The following ENAH variants were observed in gnomAD, a reference collection of about 807,000 sequenced individuals.
ENAH encodes ENAH actin regulator.
In ENAH, 23 loss-of-function variants were observed where a neutral mutation model predicts 78.7. The observed-to-expected ratio is 0.29, with a 90% CI of 0.21 to 0.41. ENAH has a LOEUF of 0.41. ENAH is among the 10% of genes least tolerant of loss of function. The pLI, the probability that ENAH is intolerant of heterozygous loss-of-function variation, is 1.00. For missense variants in ENAH, 544 were observed against 691.0 expected, an observed-to-expected ratio of 0.79 and a Z score of 2.39; for synonymous variants, 226 against 241.0, an observed-to-expected ratio of 0.94 and a Z score of 0.58.
intron 1 of ENAH, among the ~76,000 whole-genome samples, chr1:225,638,282 G>A (rs376814130): frequency 2.0e-5 from 3 of 151,956 alleles, no homozygotes; most frequent in South Asian, 4.1e-4. Context: ...TCAATCTCCT[G>A]AGTATAGCTA....
intron 3 of ENAH, among the ~76,000 whole-genome samples, chr1:225,544,650 G>A (rs1024378544): frequency 7.2e-5 from 11 of 152,158 alleles, no homozygotes; most frequent in Admixed American, 2.0e-4. Flanking sequence ...GTCCCACAAC[G>A]TAAGACTAAA....
chr1:225,568,499 T>C (rs1013433294), intron 1 of ENAH, among the ~76,000 whole-genome samples: 6 of 152,210 alleles, frequency 3.9e-5, no homozygotes, highest in African/African-American at 4.8e-5. Context: ...TCAACCTCAA[T>C]AGACAAGCCT....
intron 1 of ENAH, among the ~76,000 whole-genome samples, chr1:225,575,969 C>T (rs2096785713): frequency 6.6e-6 from 1 of 152,112 alleles, no homozygotes; most frequent in South Asian, 2.1e-4. Context: ...TCCACTCCTC[C>T]CCTTCCCATC....
At chr1:225,594,595 T>C (rs2096893528) in intron 1 of ENAH, among the ~76,000 whole-genome samples, 1 of 152,234 alleles carries the variant, frequency 6.6e-6, no homozygotes, top group South Asian at 2.1e-4. Context: ...GATTAGACTA[T>C]ACACTTACCA....
At chr1:225,646,504 T>G (rs1230058333) in intron 1 of ENAH, among the ~76,000 whole-genome samples, 1 of 152,110 alleles carries the variant, frequency 6.6e-6, no homozygotes, top group Non-Finnish European at 1.5e-5. Flanking sequence ...ATCTCTGACT[T>G]CCAGCCTCCA....
intron 4 of ENAH, among the ~76,000 whole-genome samples, chr1:225,525,531 C>A (rs982334875): frequency 2.6e-5 from 4 of 152,154 alleles, no homozygotes; most frequent in African/African-American, 9.7e-5. Context: ...TCAGAAACTA[C>A]CCGTCGGGAG....
At chr1:225,631,820 T>C (rs2148360906) in intron 1 of ENAH, among the ~76,000 whole-genome samples, 2 of 152,310 alleles carry the variant, frequency 1.3e-5, no homozygotes, top group East Asian at 3.9e-4. Flanking sequence ...TTTGTTTTTT[T>C]AATCCTAGGT....
chr1:225,498,985 T>A (rs1452747215), intron 12 of ENAH, among the ~76,000 whole-genome samples: 1 of 152,102 alleles, frequency 6.6e-6, no homozygotes, highest in African/African-American at 2.4e-5. Flanking sequence ...CAGGCACGAA[T>A]CATATGCAGC....
rs1272944515 is a variant in ENAH, at chr1:225,513,003, G to C, written c.1232C>G (p.Ser411Cys). ...LRKVSRMEDTSFPSGGNAIGV... is the reference protein window; with the variant it reads ...LRKVSRMEDTCFPSGGNAIGV... ...AATAGCATTCCCTCCACTTGGGAAA[G>C]AGGTATCCTCCATCTTAATGAGAAT... Residue 411 changes from serine (S) to cysteine (C), a missense_variant, in exon 8 of 14, where the codon TCT becomes TGT. Ser to Cys is a moderately radical substitution (Grantham distance 112). Around this residue, in one of 4 missense-constraint regions of ENAH, gnomAD observed 366 missense variants for 396.1 expected, o/e 0.92. Coordinates refer to ENST00000366843, the MANE Select transcript of ENAH (RefSeq NM_018212.6). 6.2e-7 allele frequency: 1 copy of C among 1,612,712 alleles called. No individual in the cohort carries two copies. Among genetic ancestry groups the C allele is most frequent in the East Asian group, 2.2e-5 (1 of 44,864 alleles).
At chr1:225,509,447 G>A (rs999602082) in intron 10 of ENAH, among the ~76,000 whole-genome samples, 1 of 152,184 alleles carries the variant, frequency 6.6e-6, no homozygotes, top group African/African-American at 2.4e-5. Flanking sequence ...GGGCTCATCT[G>A]GTTCAGCTGG....
chr1:225,629,980 T>C (rs917385089), intron 1 of ENAH, among the ~76,000 whole-genome samples: 10 of 152,316 alleles, frequency 6.6e-5, no homozygotes, highest in African/African-American at 2.2e-4. Context: ...GCATTCTCTA[T>C]TGGAAGGAAT....
intron 1 of ENAH, among the ~76,000 whole-genome samples, chr1:225,605,263 G>C (rs1279659499): frequency 1.3e-5 from 2 of 152,172 alleles, no homozygotes; most frequent in Non-Finnish European, 2.9e-5. Flanking sequence ...TATTAAATAA[G>C]GGGGAAGGAT....
At chr1:225,517,694 CAGG>C (rs2096432535) in intron 5 of ENAH, 3 of 1,551,072 alleles carry the variant, frequency 1.9e-6, no homozygotes, top group Non-Finnish European at 1.7e-6. Context: ...GGTGTGTTCA[CAGG>C]AGAAGAAGGT....
At chr1:225,500,922 G>C (rs2096278712) in intron 12 of ENAH, 70 bp downstream of exon 12, 7 of 1,349,218 alleles carry the variant, frequency 5.2e-6, no homozygotes, top group Non-Finnish European at 7.4e-6. Flanking sequence ...CCATGTCAAA[G>C]ATATGCATAT....
At chr1:225,529,994 C>T (rs1324423768) in intron 4 of ENAH, among the ~76,000 whole-genome samples, 3 of 152,266 alleles carry the variant, frequency 2.0e-5, no homozygotes, top group Middle Eastern at 3.4e-3. Context: ...AGCGTTTGTG[C>T]GGTTCTGAGG....
intron 11 of ENAH, 165 bp from the exon 12 acceptor site, chr1:225,501,235 A>C: frequency 2.0e-6 from 1 of 504,168 alleles, no homozygotes. Flanking sequence ...TAGAACATAA[A>C]ACAACATTTT....
intron 4 of ENAH, among the ~76,000 whole-genome samples, chr1:225,527,636 T>G (rs2096515608): frequency 2.0e-5 from 3 of 152,206 alleles, no homozygotes; most frequent in Non-Finnish European, 1.5e-5. Flanking sequence ...CTTTTATAAT[T>G]GTATATAAGG....
At chr1:225,616,644 T>C (rs1019090318) in intron 1 of ENAH, among the ~76,000 whole-genome samples, 1 of 152,116 alleles carries the variant, frequency 6.6e-6, no homozygotes, top group African/African-American at 2.4e-5. Context: ...ATAAGCTAAT[T>C]GAGATGCTCA....
rs1020626216 is a variant in ENAH at position 225,607,403 on chromosome 1, G to T, written c.6-39989C>A. On this transcript the variant is annotated intron_variant, in intron 1 of 13. Transcript: ENST00000366843. ...AAAGCCGAAAAGCAGATGGATTAGA[G>T]GTAACTGACTTAGTAGGCTGAAGAA... Among the ~76,000 whole-genome samples the T allele has an allele frequency of 1.5e-4, 23 of 151,992 alleles. 1 individual carries two copies. Among genetic ancestry groups the T allele is most frequent in the African/African-American group, 5.5e-4 (23 of 41,444 alleles).
Sources: allele counts gnomAD v4.1 joint callset (sites outside exome capture counted in the v4.1 genomes callset), GRCh38; gene constraint gnomAD v4.1.1; regional missense constraint gnomAD v4.1.1; transcripts MANE v1.5; gene names NCBI Gene and HGNC (gene_info 2026-07-23, HGNC 2026-07-21).